DAB1: variants seen among roughly 807,000 people sequenced by gnomAD.
The protein encoded by DAB1 is disabled homolog 1.
DAB1 carries 15 observed loss-of-function variants against 64.6 expected under a neutral mutation model. The observed-to-expected ratio is 0.23, with a 90% CI of 0.16 to 0.36. DAB1 has a LOEUF of 0.36. DAB1 is among the 10% of genes least tolerant of loss of function. DAB1 has a pLI of 1.00. For missense variants in DAB1, 596 were observed against 706.7 expected, an observed-to-expected ratio of 0.84 and a Z score of 1.78; for synonymous variants, 235 against 251.9, an observed-to-expected ratio of 0.93 and a Z score of 0.64.
At chr1:57,667,352 C>T (rs745939248) in intron 6 of DAB1, among the ~76,000 whole-genome samples, 1 of 152,156 alleles carries the variant, frequency 6.6e-6, no homozygotes, top group Non-Finnish European at 1.5e-5. Flanking sequence ...ACTGAGTTGA[C>T]AGACACAGTA....
intron 1 of DAB1, among the ~76,000 whole-genome samples, chr1:57,370,377 T>C (rs1415819549): frequency 6.6e-6 from 1 of 152,214 alleles, no homozygotes; most frequent in Non-Finnish European, 1.5e-5. Flanking sequence ...AGTCACCGAC[T>C]TTTTAAAAAT....
At chr1:58,221,249 T>G (rs1659155535) in intron 4 of DAB1, among the ~76,000 whole-genome samples, 1 of 152,028 alleles carries the variant, frequency 6.6e-6, no homozygotes, top group Non-Finnish European at 1.5e-5. Context: ...CCCACTGGAG[T>G]AGCAGGGTCA....
chr1:57,754,457 G>T (rs1648699015), intron 6 of DAB1, among the ~76,000 whole-genome samples: 1 of 152,056 alleles, frequency 6.6e-6, no homozygotes, highest in African/African-American at 2.4e-5. Flanking sequence ...AGGCCGAGGT[G>T]GGTGGATCAC....
intron 1 of DAB1, among the ~76,000 whole-genome samples, chr1:57,308,174 G>C (rs937253250): frequency 6.6e-6 from 1 of 152,208 alleles, no homozygotes; most frequent in African/African-American, 2.4e-5. Flanking sequence ...ATCCAGATTT[G>C]TAATTGAGTT....
intron 9 of DAB1, among the ~76,000 whole-genome samples, chr1:57,052,713 G>A (rs1298231367): frequency 6.6e-6 from 1 of 152,170 alleles, no homozygotes; most frequent in East Asian, 1.9e-4. Context: ...GAATTGGAGA[G>A]TAGATGAATA....
At chr1:57,206,937 TTCTTTC>T (rs199939401) in intron 2 of DAB1, among the ~76,000 whole-genome samples, 1,520 of 147,396 alleles carry the variant, frequency 0.01, 34 homozygotes, top group African/African-American at 0.036. Flanking sequence ...CTTTTCTTCT[TTCTTTC>T]TCTTTCTCTT....
intron 3 of DAB1, among the ~76,000 whole-genome samples, chr1:58,493,125 T>C (rs969951160): frequency 8.5e-5 from 13 of 152,138 alleles, no homozygotes; most frequent in Admixed American, 2.6e-4. Context: ...CGCAAATCAA[T>C]AAACGTAATC....
At chr1:57,401,173 A>C (rs981770920) in intron 1 of DAB1, among the ~76,000 whole-genome samples, 2 of 152,136 alleles carry the variant, frequency 1.3e-5, no homozygotes, top group Admixed American at 1.3e-4. Context: ...GGCATTTCAT[A>C]TATATTAAGA....
intron 1 of DAB1, among the ~76,000 whole-genome samples, chr1:57,848,722 A>G: frequency 6.6e-6 from 1 of 152,236 alleles, no homozygotes; most frequent in East Asian, 1.9e-4. Context: ...AAGAAACCTA[A>G]GTTGATTCTG....
chr1:57,074,151 C>G (rs904513395), intron 4 of DAB1, among the ~76,000 whole-genome samples: 1 of 152,106 alleles, frequency 6.6e-6, no homozygotes, highest in East Asian at 1.9e-4. Context: ...ATTACAGGTG[C>G]GAACCACTGC....
intron 5 of DAB1, among the ~76,000 whole-genome samples, chr1:58,099,948 G>T (rs550727757): frequency 6.6e-6 from 1 of 152,226 alleles, no homozygotes; most frequent in Non-Finnish European, 1.5e-5. Flanking sequence ...CATGTGGCTT[G>T]CTTCTTCTGG....
In DAB1 at chr1:57,405,079, T is replaced by C. The variant is rs911334805; in HGVS notation, c.-137+18851A>G. On this transcript the variant is annotated intron_variant, in intron 1 of 14. Transcript: ENST00000371236. ...TGAGAAAGCCACAGAATGCTGTCAT[T>C]ACAGACCCTAAAACTACGCATTTGA... is the stretch of plus-strand genomic sequence containing the variant. Among the ~76,000 whole-genome samples the C allele has an allele frequency of 2.6e-5, 4 of 152,200 alleles. No homozygotes were observed. The East Asian group carries it at 7.7e-4, about 29-fold the overall frequency.
intron 5 of DAB1, among the ~76,000 whole-genome samples, chr1:57,939,821 T>C (rs943051795): frequency 2.0e-5 from 3 of 152,210 alleles, no homozygotes; most frequent in Admixed American, 1.3e-4. Context: ...TGAGGCCAGC[T>C]TTCCCACTGA....
intron 4 of DAB1, among the ~76,000 whole-genome samples, chr1:58,287,539 A>C (rs1277903335): frequency 1.3e-5 from 2 of 151,580 alleles, no homozygotes; most frequent in African/African-American, 4.8e-5. Flanking sequence ...CTGCTCAGGA[A>C]GGGTCATCAA....
At chr1:57,984,222 A>G (rs1213349056) in intron 5 of DAB1, among the ~76,000 whole-genome samples, 1 of 149,566 alleles carries the variant, frequency 6.7e-6, no homozygotes. Flanking sequence ...GAAAGAAAGA[A>G]AGAAAGAAAG....
chr1:57,082,861 T>C (rs1652686058), intron 4 of DAB1, among the ~76,000 whole-genome samples: 1 of 152,186 alleles, frequency 6.6e-6, no homozygotes, highest in African/African-American at 2.4e-5. Flanking sequence ...CATAATCTTG[T>C]TCCCCTTTAT....
intron 5 of DAB1, among the ~76,000 whole-genome samples, chr1:57,976,374 T>A (rs1203251293): frequency 6.6e-6 from 1 of 152,166 alleles, no homozygotes; most frequent in Non-Finnish European, 1.5e-5. Flanking sequence ...AGCTTCAAAT[T>A]GATTTAATTT....
intron 7 of DAB1, among the ~76,000 whole-genome samples, chr1:57,499,713 T>C (rs1427547893): frequency 6.6e-6 from 1 of 152,224 alleles, no homozygotes; most frequent in Non-Finnish European, 1.5e-5. Flanking sequence ...GGCAATGTAT[T>C]GAATAAACAA....
chr1:58,485,834 TAAAC>T (rs1352154945), intron 3 of DAB1, among the ~76,000 whole-genome samples: 2 of 152,188 alleles, frequency 1.3e-5, no homozygotes, highest in Non-Finnish European at 2.9e-5. Context: ...TGCTAAATTT[TAAAC>T]AAACATTTAT....
Sources: allele counts gnomAD v4.1 joint callset (sites outside exome capture counted in the v4.1 genomes callset), GRCh38; gene constraint gnomAD v4.1.1; transcripts MANE v1.5; gene names NCBI Gene and HGNC (gene_info 2026-07-23, HGNC 2026-07-21).